Variants in STX18 observed in about 807,000 individuals in gnomAD.
STX18 encodes syntaxin-18.
Under a neutral mutation model 50.1 loss-of-function variants are expected in STX18, and 40 were observed. That is an observed-to-expected ratio of 0.80 (90% CI 0.62 to 1.04). The LOEUF is 1.04. Ranked by LOEUF, STX18 falls within the 50% of genes least tolerant of loss-of-function variation. STX18 has a pLI of 0.00. For missense variants in STX18, 410 were observed against 415.8 expected (o/e 0.99, Z 0.12); for synonymous variants, 158 against 151.8 (o/e 1.04, Z -0.30).
intron 5 of STX18, among the ~76,000 whole-genome samples, chr4:4,444,355 A>G (rs1277359868): frequency 6.6e-6 from 1 of 152,220 alleles, no homozygotes; most frequent in Non-Finnish European, 1.5e-5. Context: ...GGGGTCTGGC[A>G]TGACCATCAG....
chr4:4,441,069 T>G (rs899795660), intron 5 of STX18, among the ~76,000 whole-genome samples: 1 of 152,242 alleles, frequency 6.6e-6, no homozygotes, highest in African/African-American at 2.4e-5. Context: ...TGGAGCTGCA[T>G]GAGTGTGTTA....
chr4:4,491,495 C>A (rs983266296), intron 1 of STX18, among the ~76,000 whole-genome samples: 1 of 152,044 alleles, frequency 6.6e-6, no homozygotes, highest in East Asian at 1.9e-4. Context: ...AGATTTTACA[C>A]TACATTTATT....
At chr4:4,500,697 T>TA (rs1729409848) in intron 1 of STX18, among the ~76,000 whole-genome samples, 1 of 152,206 alleles carries the variant, frequency 6.6e-6, no homozygotes, top group South Asian at 2.1e-4. Flanking sequence ...CAAATTCTTC[T>TA]AAAAAATTAC....
chr4:4,507,666 T>C, intron 1 of STX18: 1 of 800,650 alleles, frequency 1.2e-6, no homozygotes, highest in Non-Finnish European at 2.2e-6. Context: ...CTCATAAAGG[T>C]TCGTTTGGAC....
intron 1 of STX18, among the ~76,000 whole-genome samples, chr4:4,505,246 C>T (rs1377260688): frequency 6.6e-6 from 1 of 152,194 alleles, no homozygotes; most frequent in Non-Finnish European, 1.5e-5. Flanking sequence ...ATTTAATACA[C>T]CTAACCTACC....
intron 1 of STX18, among the ~76,000 whole-genome samples, chr4:4,496,218 T>C (rs1729158423): frequency 6.6e-6 from 1 of 152,128 alleles, no homozygotes; most frequent in South Asian, 2.1e-4. Flanking sequence ...ATTTCTTAAA[T>C]AGCAACGCCA....
At chr4:4,532,743 C>T (rs1201344236) in intron 1 of STX18, among the ~76,000 whole-genome samples, 2 of 152,172 alleles carry the variant, frequency 1.3e-5, no homozygotes, top group East Asian at 1.9e-4. Context: ...ATTTACAATT[C>T]GAAACGTACA....
chr4:4,513,129 A>G (rs1172703449), intron 1 of STX18, among the ~76,000 whole-genome samples: 2 of 152,176 alleles, frequency 1.3e-5, no homozygotes, highest in Non-Finnish European at 2.9e-5. Flanking sequence ...GAATGAGAGG[A>G]GACAGACACA....
At chr4:4,462,905 A>G (rs1281678022) in intron 2 of STX18, among the ~76,000 whole-genome samples, 2 of 152,202 alleles carry the variant, frequency 1.3e-5, no homozygotes, top group Non-Finnish European at 2.9e-5. Flanking sequence ...TACTGTACTA[A>G]GATGAGAATC....
Position 4,542,047 on chromosome 4 carries a change from C to G in STX18, c.-83G>C, listed in dbSNP as rs1731636862. On this transcript the variant is annotated 5_prime_UTR_variant, in exon 1 of 11. Coordinates refer to ENST00000306200, the MANE Select transcript of STX18 (RefSeq NM_016930.4). ...CGGCGCGAACCCGGCCGCTGAAGGA[C>G]TGGTCCTGCCCCACACGCCTCCCCC... 1 of 1,447,288 alleles carries G rather than the reference C, an allele frequency of 6.9e-7. No individual in the cohort carries two copies. Among genetic ancestry groups the G allele is most frequent in the African/African-American group, 1.5e-5 (1 of 68,298 alleles). 89.7% of individuals were successfully genotyped at this position (1,447,288 alleles called of 1,614,324 possible). A position where few individuals can be genotyped will look rare whatever the true frequency, so the allele number is the denominator to read the frequency against.
intron 1 of STX18, chr4:4,499,441 C>A (rs1729335077): frequency 1.1e-6 from 1 of 943,610 alleles, no homozygotes; most frequent in Non-Finnish European, 1.3e-6. Context: ...CCATACTGTG[C>A]TCTGGAAAAA....
At position 4,541,888 on chromosome 4, in the gene STX18, G is replaced by A; in HGVS notation, c.77C>T (p.Ala26Val). Residue 26 changes from alanine (A) to valine (V), a missense_variant, in exon 1 of 11, where the codon GCG becomes GTG. By Grantham distance (64) the Ala-to-Val change is moderately conservative (BLOSUM62 0). Transcript: ENST00000306200. ...GCTGCCATCGACCCCGCCGCCCACCGCCACTCCCAGCGCCTTGTTCCGCGT... is the reference window on the plus strand; with the variant it reads ...GCTGCCATCGACCCCGCCGCCCACCACCACTCCCAGCGCCTTGTTCCGCGT... ...VKTRNKALGV[A>V]VGGGVDGSRD... 2 of 1,610,246 alleles carry A rather than the reference G, an allele frequency of 1.2e-6. No homozygotes were observed. Among genetic ancestry groups the A allele is most frequent in the Non-Finnish European group, 1.7e-6 (2 of 1,178,848 alleles).
chr4:4,454,459 G>A (rs1726957408), intron 5 of STX18, among the ~76,000 whole-genome samples: 1 of 152,194 alleles, frequency 6.6e-6, no homozygotes, highest in Non-Finnish European at 1.5e-5. Flanking sequence ...TACCTGTGAA[G>A]TCCACTTGGG....
chr4:4,491,237 A>G (rs1728928826), intron 1 of STX18, among the ~76,000 whole-genome samples: 1 of 152,110 alleles, frequency 6.6e-6, no homozygotes, highest in Non-Finnish European at 1.5e-5. Context: ...GTCTAGCCTC[A>G]ACAGCATTCA....
chr4:4,458,434 G>A (rs940762325), intron 3 of STX18, among the ~76,000 whole-genome samples: 2 of 152,092 alleles, frequency 1.3e-5, no homozygotes. Context: ...CATTTTTCTG[G>A]CAAGAATGCC....
intron 2 of STX18, among the ~76,000 whole-genome samples, chr4:4,466,298 G>A (rs1278588044): frequency 6.6e-6 from 1 of 152,136 alleles, no homozygotes; most frequent in Non-Finnish European, 1.5e-5. Context: ...ACCTGATAGT[G>A]TGAGTAGAGG....
chr4:4,483,694 T>C (rs1330990375), intron 1 of STX18, among the ~76,000 whole-genome samples: 2 of 152,186 alleles, frequency 1.3e-5, no homozygotes, highest in Non-Finnish European at 2.9e-5. Context: ...ACACCTGCTT[T>C]GCCAAAAGAG....
intron 1 of STX18, among the ~76,000 whole-genome samples, chr4:4,481,965 A>G (rs1212888254): frequency 1.3e-5 from 2 of 151,976 alleles, no homozygotes; most frequent in Non-Finnish European, 2.9e-5. Context: ...CTTTCCCCCA[A>G]TTCCTACTGA....
intron 1 of STX18, among the ~76,000 whole-genome samples, chr4:4,475,204 T>C (rs149078868): frequency 0.015 from 2,237 of 152,284 alleles, 29 homozygotes; most frequent in Admixed American, 0.026. Flanking sequence ...ACAAATGTGA[T>C]CCCAACTTCA....
Sources: allele counts gnomAD v4.1 joint callset (sites outside exome capture counted in the v4.1 genomes callset), GRCh38; gene constraint gnomAD v4.1.1; transcripts MANE v1.5; gene names NCBI Gene and HGNC (gene_info 2026-07-23, HGNC 2026-07-21).